RNF175: variants seen among roughly 807,000 people sequenced by gnomAD.
The protein encoded by RNF175 is ring finger protein 175.
In RNF175, 38 loss-of-function variants were observed where a neutral mutation model predicts 50.0. The observed-to-expected ratio is 0.76, with a 90% CI of 0.59 to 1.00. The LOEUF (loss-of-function observed/expected upper bound fraction) is 1.00, where lower values mean the gene tolerates loss of function less well. RNF175 is among the 50% of genes least tolerant of loss of function. RNF175 has a pLI of 0.00. For missense variants in RNF175, 388 were observed against 409.6 expected, an observed-to-expected ratio of 0.95 and a Z score of 0.46; for synonymous variants, 155 against 146.1, an observed-to-expected ratio of 1.06 and a Z score of -0.44.
At chr4:153,743,118 G>GT (rs537543150) in intron 3 of RNF175, among the ~76,000 whole-genome samples, 438 of 152,118 alleles carry the variant, frequency 2.9e-3, no homozygotes, top group Non-Finnish European at 5.0e-3. Context: ...TCAGGCCGTA[G>GT]TTTTTTTTGA....
intron 5 of RNF175, chr4:153,720,577 A>T: frequency 2.9e-6 from 1 of 340,588 alleles, no homozygotes. Context: ...GCTGACTCTG[A>T]CCAGTGGTTT....
intron 3 of RNF175, among the ~76,000 whole-genome samples, chr4:153,735,406 G>A (rs1231083526): frequency 6.6e-6 from 1 of 152,114 alleles, no homozygotes; most frequent in African/African-American, 2.4e-5. Context: ...TCTTTCACCA[G>A]TACCATGCTA....
chr4:153,743,632 A>G (rs1373210709), intron 3 of RNF175, among the ~76,000 whole-genome samples: 1 of 152,152 alleles, frequency 6.6e-6, no homozygotes, highest in Non-Finnish European at 1.5e-5. Context: ...GCAGGATAAC[A>G]GGCGCCTGGT....
At chr4:153,724,344 T>C (rs992320445) in intron 4 of RNF175, among the ~76,000 whole-genome samples, 1 of 152,220 alleles carries the variant, frequency 6.6e-6, no homozygotes, top group Non-Finnish European at 1.5e-5. Flanking sequence ...GCTATGCCCA[T>C]TGGTACAAGA....
rs933073947 is a variant in RNF175 at position 153,710,187 on chromosome 4, T to C, written c.*182A>G. On this transcript the variant is annotated 3_prime_UTR_variant, in exon 9 of 9. Coordinates refer to ENST00000347063, the MANE Select transcript of RNF175 (RefSeq NM_173662.4). ...ATGGGAAAGATGAAAAAACATGCTT[T>C]ATTTGTTTATTCCATTGTTCAGCTT... The C allele has an allele frequency of 8.0e-6, 4 of 498,698 alleles. No individual in the cohort carries two copies. Among genetic ancestry groups the C allele is most frequent in the African/African-American group, 5.8e-5 (3 of 52,032 alleles). The allele number at this position is 498,698 out of a possible 1,614,324, so 30.9% of individuals were successfully genotyped here. A position where few individuals can be genotyped will look rare whatever the true frequency, so the allele number is the denominator to read the frequency against.
intron 1 of RNF175, among the ~76,000 whole-genome samples, chr4:153,757,238 C>T (rs1740611002): frequency 6.6e-6 from 1 of 152,206 alleles, no homozygotes. Context: ...TGTTACCAGA[C>T]TGCATTGTTG....
chr4:153,723,016 T>C (rs1738448235), intron 5 of RNF175, among the ~76,000 whole-genome samples: 1 of 152,152 alleles, frequency 6.6e-6, no homozygotes. Context: ...TAAAAGGAGA[T>C]CTAGGTACTT....
At chr4:153,734,797 TC>T (rs1284650300) in intron 3 of RNF175, among the ~76,000 whole-genome samples, 1 of 144,818 alleles carries the variant, frequency 6.9e-6, no homozygotes, top group African/African-American at 2.6e-5. Context: ...TGCCTCAGCC[TC>T]CCGAGTACCT....
At chr4:153,755,881 A>G (rs1388248680) in intron 1 of RNF175, among the ~76,000 whole-genome samples, 1 of 152,264 alleles carries the variant, frequency 6.6e-6, no homozygotes, top group African/African-American at 2.4e-5. Context: ...ACACAGATTC[A>G]TATTTACTGA....
At chr4:153,725,516 A>G (rs1435687949) in intron 4 of RNF175, among the ~76,000 whole-genome samples, 1 of 152,132 alleles carries the variant, frequency 6.6e-6, no homozygotes, top group African/African-American at 2.4e-5. Context: ...CCAGCATTAG[A>G]GATGTTTTAG....
rs570991048 is a variant in RNF175 at position 153,759,156 on chromosome 4, T to C, written c.66+641A>G. ...GGATGTAGCCTAAGAAGAATTGTCCTATGAACGAAGAATAAATTAAGATTG... is the reference window on the plus strand; with the variant it reads ...GGATGTAGCCTAAGAAGAATTGTCCCATGAACGAAGAATAAATTAAGATTG... On this transcript the variant is annotated intron_variant, in intron 1 of 8. Coordinates refer to ENST00000347063, the MANE Select transcript of RNF175 (RefSeq NM_173662.4). 2.0e-5 allele frequency among the ~76,000 whole-genome samples: 3 copies of C among 152,300 alleles called. No homozygotes were observed. In the East Asian group the frequency reaches 5.8e-4, roughly 29 times the overall value.
intron 3 of RNF175, among the ~76,000 whole-genome samples, chr4:153,746,472 A>G (rs898526761): frequency 3.3e-5 from 5 of 151,598 alleles, no homozygotes; most frequent in African/African-American, 7.3e-5. Flanking sequence ...CTGCATGCCC[A>G]TAGCTCTCCT....
Position 153,728,168 on chromosome 4 carries a change from T to C in RNF175, c.401+39A>G, listed in dbSNP as rs747867079. 9.3e-6 allele frequency: 14 copies of C among 1,500,704 alleles called. No individual in the cohort carries two copies. The East Asian group carries it at 3.1e-4, about 34-fold the overall frequency. The allele number at this position is 1,500,704 out of a possible 1,614,324, so 93.0% of individuals were successfully genotyped here. A position where few individuals can be genotyped will look rare whatever the true frequency, so the allele number is the denominator to read the frequency against. ...AAAATATGCTTTGTAATATTTAAAA[T>C]AAAGGGGCTCCTGGGGAAGGAATGT... On this transcript the variant is annotated intron_variant, in intron 4 of 8. Transcript: ENST00000347063.
At chr4:153,758,667 G>A (rs1218824806) in intron 1 of RNF175, among the ~76,000 whole-genome samples, 2 of 151,986 alleles carry the variant, frequency 1.3e-5, no homozygotes, top group African/African-American at 2.4e-5. Flanking sequence ...CCACAGCCTA[G>A]CCCACCCTTA....
chr4:153,718,253 G>T (rs12502787), intron 6 of RNF175, among the ~76,000 whole-genome samples: 33,983 of 67,812 alleles, frequency 0.5, 7,538 homozygotes, highest in South Asian at 0.67. Context: ...TTTTTTTTTT[G>T]AAGCAGATGC....
rs1302261351 is a variant in RNF175 at position 153,728,254 on chromosome 4, G to T, written c.354C>A (p.Tyr118Ter). Residue 118 changes from tyrosine (Y) to a stop codon, truncating the protein, a stop_gained, in exon 4 of 9, where the codon TAC becomes TAA. Transcript: ENST00000347063. LOFTEE classifies it high-confidence loss of function. Reference sequence around the variant, plus strand: ...GTTTTCGGGTAGCTCTGAAGAGGATGTAACTGGTAATAACGGAGAACATCC... The same window carrying T: ...GTTTTCGGGTAGCTCTGAAGAGGATTTAACTGGTAATAACGGAGAACATCC... Reference protein sequence around the residue: ...MWGMFSVITSYILFRATRKPL... With the variant: ...MWGMFSVITS The T allele has an allele frequency of 1.2e-6, 2 of 1,613,680 alleles. No individual in the cohort carries two copies. Among genetic ancestry groups the T allele is most frequent in the African/African-American group, 2.7e-5 (2 of 74,922 alleles).
chr4:153,749,476 T>C (rs1383736611), intron 2 of RNF175, among the ~76,000 whole-genome samples: 1 of 152,116 alleles, frequency 6.6e-6, no homozygotes, highest in Non-Finnish European at 1.5e-5. Flanking sequence ...TCTGAATGAG[T>C]TGTATAAATT....
chr4:153,748,403 C>A, intron 3 of RNF175: 1 of 405,684 alleles, frequency 2.5e-6, no homozygotes, highest in East Asian at 4.1e-5. Context: ...TGGCCTCTAT[C>A]CACCAGGTGC....
chr4:153,729,980 C>T (rs747720836), intron 3 of RNF175, among the ~76,000 whole-genome samples: 2 of 152,080 alleles, frequency 1.3e-5, no homozygotes, highest in African/African-American at 4.8e-5. Flanking sequence ...GAGTTAGCAC[C>T]TTTATGTAAT....
Sources: gnomAD v4.1 joint callset for allele counts (sites outside exome capture counted in the v4.1 genomes callset) on GRCh38, gnomAD v4.1.1 for gene constraint, MANE v1.5 for transcripts, NCBI Gene and HGNC (gene_info 2026-07-23, HGNC 2026-07-21) for gene names.